ASIC2: variants seen among roughly 807,000 people sequenced by gnomAD.
ASIC2 encodes acid-sensing ion channel 2.
ASIC2 carries 25 observed loss-of-function variants against 57.3 expected under a neutral mutation model. The observed-to-expected ratio is 0.44, with a 90% CI of 0.32 to 0.61. ASIC2 has a LOEUF of 0.61. Among genes scored for constraint, ASIC2 ranks in the 20% least tolerant of loss-of-function variants. The pLI is 0.06. For missense variants in ASIC2, 641 were observed against 738.1 expected, an observed-to-expected ratio of 0.87 and a Z score of 1.52; for synonymous variants, 319 against 307.5, an observed-to-expected ratio of 1.04 and a Z score of -0.39.
chr17:33,650,049 C>G (rs1253911264), intron 1 of ASIC2, among the ~76,000 whole-genome samples: 2 of 152,066 alleles, frequency 1.3e-5, no homozygotes, highest in Admixed American at 6.5e-5. Context: ...GGTAAAAAGA[C>G]AAGGTACAAA....
rs560390004 is a variant in ASIC2 at position 33,429,471 on chromosome 17, A to G, written c.556-317404T>C. Among the ~76,000 whole-genome samples the G allele has an allele frequency of 5.3e-3, 808 of 152,018 alleles. 4 individuals carry two copies. Among genetic ancestry groups the G allele is most frequent in the Non-Finnish European group, 9.4e-3 (638 of 67,966 alleles). ...AGTGGCGTGATCTCGGCTCACTGCA[A>G]GCTCCATCTCCTGGGTTCACGCCAT... is the stretch of plus-strand genomic sequence containing the variant. On this transcript the variant is annotated intron_variant, in intron 1 of 9. Transcript: ENST00000359872.
chr17:33,316,619 A>G (rs1460934684), intron 1 of ASIC2, among the ~76,000 whole-genome samples: 2 of 152,150 alleles, frequency 1.3e-5, no homozygotes, highest in Admixed American at 6.5e-5. Flanking sequence ...CTTTTCTTCC[A>G]TCCTACTCAG....
intron 1 of ASIC2, among the ~76,000 whole-genome samples, chr17:33,922,076 G>C (rs373915434): frequency 6.6e-6 from 1 of 152,304 alleles, no homozygotes; most frequent in East Asian, 1.9e-4. Flanking sequence ...TCACAGGTGA[G>C]GAAACTGAGA....
intron 1 of ASIC2, among the ~76,000 whole-genome samples, chr17:33,468,959 T>C (rs1163204374): frequency 3.3e-5 from 5 of 152,088 alleles, no homozygotes; most frequent in Non-Finnish European, 5.9e-5. Flanking sequence ...TGCAACAAGT[T>C]AGTGAATAAG....
chr17:33,368,506 T>C (rs1486731474), intron 1 of ASIC2, among the ~76,000 whole-genome samples: 2 of 152,054 alleles, frequency 1.3e-5, no homozygotes, highest in Admixed American at 6.5e-5. Flanking sequence ...AGGGCATGAG[T>C]TTAATAGATG....
intron 1 of ASIC2, among the ~76,000 whole-genome samples, chr17:34,026,360 C>T (rs1907379246): frequency 1.3e-5 from 2 of 152,202 alleles, no homozygotes; most frequent in South Asian, 4.2e-4. Context: ...TGTCTGGCGG[C>T]TTAGGTAGCA....
At chr17:33,719,749 C>G (rs113508856) in intron 1 of ASIC2, among the ~76,000 whole-genome samples, 5 of 152,332 alleles carry the variant, frequency 3.3e-5, no homozygotes, top group African/African-American at 1.2e-4. Context: ...CTCAAATGAG[C>G]TGGCGGTTTG....
At chr17:33,993,796 C>T (rs1906072526) in intron 1 of ASIC2, among the ~76,000 whole-genome samples, 1 of 152,220 alleles carries the variant, frequency 6.6e-6, no homozygotes, top group Non-Finnish European at 1.5e-5. Flanking sequence ...GGTCAAGTCA[C>T]ATTCCTCTCT....
chr17:33,758,004 A>G (rs1211883206), intron 1 of ASIC2, among the ~76,000 whole-genome samples: 1 of 152,202 alleles, frequency 6.6e-6, no homozygotes, highest in Non-Finnish European at 1.5e-5. Context: ...GCTTGAGAAC[A>G]ATTGATTTCT....
intron 1 of ASIC2, among the ~76,000 whole-genome samples, chr17:33,710,855 T>G (rs570396875): frequency 1.3e-5 from 2 of 152,324 alleles, no homozygotes; most frequent in Non-Finnish European, 2.9e-5. Flanking sequence ...TAGAGGTTAG[T>G]TGAAGCCTGC....
At position 34,156,194 on chromosome 17, in the gene ASIC2, C is replaced by T; in HGVS notation, c.339G>A (p.Leu113=). 1 of 1,614,082 alleles carries T rather than the reference C, an allele frequency of 6.2e-7. No homozygotes were observed. The highest frequency in any genetic ancestry group is 2.2e-5 in the East Asian group (1 of 44,856). ...GCAGGTTGACATCCAGCAGGGCCAG[C>T]AGCTCCCCAGCATGGTACAGGTCAT... Residue 113 remains leucine, a synonymous_variant, in exon 1 of 10, where the codon CTG becomes CTA. Transcript: ENST00000359872. The surrounding 1 kb of genome is among the most constrained non-coding windows in gnomAD (Gnocchi z 4.4).
chr17:33,957,532 G>A lies in ASIC2; in HGVS notation c.555+198446C>T, dbSNP rs147788006. Among the ~76,000 whole-genome samples, 208 of 152,288 alleles carry A rather than the reference G, an allele frequency of 1.4e-3. 2 individuals are homozygous for A. Among genetic ancestry groups the A allele is most frequent in the African/African-American group, 4.8e-3 (198 of 41,558 alleles). ...CAAAGGCATATCATACATGGCAGCA[G>A]GCAAGAGAGTGTGTGCAGGGGAACT... On this transcript the variant is annotated intron_variant, in intron 1 of 9. Transcript: ENST00000359872.
intron 1 of ASIC2, chr17:33,688,856 C>T (rs1452156577): frequency 6.6e-6 from 1 of 152,212 alleles, no homozygotes; most frequent in Non-Finnish European, 1.5e-5. Context: ...CCAGGTGTCT[C>T]TGCAGGAAAC....
At chr17:33,149,961 G>T (rs1331291436) in intron 1 of ASIC2, among the ~76,000 whole-genome samples, 1 of 152,118 alleles carries the variant, frequency 6.6e-6, no homozygotes, top group Non-Finnish European at 1.5e-5. Flanking sequence ...AATTCATGAG[G>T]TTCATAACAA....
intron 1 of ASIC2, among the ~76,000 whole-genome samples, chr17:33,535,140 C>T (rs559545138): frequency 2.4e-4 from 37 of 152,244 alleles, no homozygotes; most frequent in Middle Eastern, 3.4e-3. Flanking sequence ...GATTCCTGCT[C>T]CCTTGCAAAG....
chr17:33,173,621 G>C (rs968537014), intron 1 of ASIC2, among the ~76,000 whole-genome samples: 4 of 152,208 alleles, frequency 2.6e-5, no homozygotes, highest in African/African-American at 9.7e-5. Context: ...GTTTGTAGAA[G>C]AGACAGCCAG....
chr17:33,558,300 G>A (rs1915970061), intron 1 of ASIC2, among the ~76,000 whole-genome samples: 1 of 152,172 alleles, frequency 6.6e-6, no homozygotes, highest in African/African-American at 2.4e-5. Flanking sequence ...AATTTTTGTT[G>A]TATCCTGGAC....
At chr17:33,282,911 C>T (rs564846207) in intron 1 of ASIC2, among the ~76,000 whole-genome samples, 11 of 152,308 alleles carry the variant, frequency 7.2e-5, no homozygotes, top group African/African-American at 2.6e-4. Context: ...ATCTCAAAAT[C>T]CTTAACTTAA....
chr17:33,980,025 C>A (rs569462571), intron 1 of ASIC2, among the ~76,000 whole-genome samples: 13 of 152,212 alleles, frequency 8.5e-5, no homozygotes, highest in African/African-American at 3.1e-4. Context: ...CTGAGCTGGG[C>A]TCCAGCTGGG....
Sources: gnomAD v4.1 joint callset for allele counts (sites outside exome capture counted in the v4.1 genomes callset) on GRCh38, gnomAD v4.1.1 for gene constraint, Gnocchi (gnomAD v3.1) non-coding constraint, MANE v1.5 for transcripts, NCBI Gene and HGNC (gene_info 2026-07-23, HGNC 2026-07-21) for gene names.